The following USP4 variants were observed in gnomAD, a reference collection of about 807,000 sequenced individuals.
The protein encoded by USP4 is ubiquitin specific peptidase 4, also known as ubiquitin carboxyl-terminal hydrolase 4.
Under a neutral mutation model 118.2 loss-of-function variants are expected in USP4, and 72 were observed. The observed-to-expected ratio is 0.61, with a 90% confidence interval of 0.50 to 0.74. The LOEUF (loss-of-function observed/expected upper bound fraction) is 0.74, where lower values mean the gene tolerates loss of function less well. Among genes scored for constraint, USP4 ranks in the 30% least tolerant of loss-of-function variants. USP4 has a pLI of 0.00. For synonymous variants in USP4, 415 were observed against 440.4 expected (o/e 0.94, Z 0.72); for missense variants, 1,037 against 1,185.7 (o/e 0.87, Z 1.84).
rs754845529 is a variant in USP4 at position 49,335,465 on chromosome 3, A to T, written c.229+4T>A. 1 of 1,614,216 alleles carries T rather than the reference A, an allele frequency of 6.2e-7. No homozygotes were observed. Among genetic ancestry groups the T allele is most frequent in the East Asian group, 2.2e-5 (1 of 44,886 alleles). On this transcript the variant is annotated splice_donor_region_variant and intron_variant, in intron 2 of 21. Transcript: ENST00000265560. The stretch of plus-strand genomic sequence containing the variant: ...TTTAGCTAGAAAAGCAACATTTACT[A>T]TACCTGAAAATAGCCCAGAGTTGTC...
At chr3:49,310,758 C>T (rs749713875) in intron 7 of USP4, 21 bp from the exon 8 acceptor site, 1 of 1,590,136 alleles carries the variant, frequency 6.3e-7, no homozygotes, top group African/African-American at 1.3e-5. Flanking sequence ...CAACACACAT[C>T]AGCAATAAAA....
chr3:49,300,256 A>G (rs948233385), intron 11 of USP4, among the ~76,000 whole-genome samples: 3 of 152,078 alleles, frequency 2.0e-5, no homozygotes, highest in African/African-American at 7.2e-5. Context: ...AAAAAAAAAA[A>G]GTGACAGAGA....
At position 49,277,279 on chromosome 3, in the gene USP4, C is replaced by CA. The variant is rs1472353799; in HGVS notation, c.*1013dup. The CA allele has an allele frequency of 9.4e-6, 12 of 1,271,042 alleles. No individual in the cohort carries two copies. The East Asian group carries it at 5.6e-4, about 60-fold the overall frequency. The allele number at this position is 1,271,042 out of a possible 1,614,324, so 78.7% of individuals were successfully genotyped here. A position where few individuals can be genotyped will look rare whatever the true frequency, so the allele number is the denominator to read the frequency against. ...CCCACGGATTAGGTTGAAGGTCAGA[C>CA]AAAAAATCCCGGACCCATACGTCCG... On this transcript the variant is annotated 3_prime_UTR_variant, in exon 22 of 22. Coordinates refer to ENST00000265560, the MANE Select transcript of USP4 (RefSeq NM_003363.4).
rs763555238 is a variant in USP4 at position 49,324,686 on chromosome 3, GA to G, written c.695+15del. The G allele has an allele frequency of 1.9e-6, 3 of 1,613,096 alleles. No individual in the cohort carries two copies. Among genetic ancestry groups the G allele is most frequent in the South Asian group, 1.1e-5 (1 of 91,056 alleles). ...GCACATGTGAGCCTACAACAAGGGA[GA>G]AAAAATTCACTTACTTTGACTGCAA... On this transcript the variant is annotated intron_variant, in intron 6 of 21. Coordinates refer to ENST00000265560, the MANE Select transcript of USP4 (RefSeq NM_003363.4).
At chr3:49,289,459 G>A (rs1428542014) in intron 15 of USP4, among the ~76,000 whole-genome samples, 2 of 152,200 alleles carry the variant, frequency 1.3e-5, no homozygotes, top group Non-Finnish European at 2.9e-5. Flanking sequence ...AGATCACCCA[G>A]GGGCTGTTCA....
In USP4 at chr3:49,277,221, T is replaced by A; in HGVS notation, c.*1072A>T. On this transcript the variant is annotated 3_prime_UTR_variant, in exon 22 of 22. Coordinates refer to ENST00000265560, the MANE Select transcript of USP4 (RefSeq NM_003363.4). ...GTGACGCCGACCCATCCAACGGTCA[T>A]CGCATGCGCGTGCCCCGCGCAGGCC... 1 of 1,324,152 alleles carries A rather than the reference T, an allele frequency of 7.6e-7. No individual in the cohort carries two copies. Among genetic ancestry groups the A allele is most frequent in the Non-Finnish European group, 9.9e-7 (1 of 1,011,764 alleles). 82.0% of individuals were successfully genotyped at this position (1,324,152 alleles called of 1,614,324 possible). A position where few individuals can be genotyped will look rare whatever the true frequency, so the allele number is the denominator to read the frequency against.
At position 49,278,138 on chromosome 3, in the gene USP4, T is replaced by C; in HGVS notation, c.*155A>G. The C allele has an allele frequency of 2.6e-6, 2 of 774,424 alleles. No individual in the cohort carries two copies. The highest frequency in any genetic ancestry group is 3.5e-6 in the Non-Finnish European group (2 of 565,068). 48.0% of individuals were successfully genotyped at this position (774,424 alleles called of 1,614,324 possible). The stretch of plus-strand genomic sequence containing the variant: ...GACATAGCTTCTTCTAGGTAAACGG[T>C]CTTCTTTTTTTTTTTTTGTTTCCTT... On this transcript the variant is annotated 3_prime_UTR_variant, in exon 22 of 22. Transcript: ENST00000265560.
chr3:49,321,199 CT>C (rs1464126201), intron 6 of USP4, among the ~76,000 whole-genome samples: 7 of 152,212 alleles, frequency 4.6e-5, no homozygotes, highest in Non-Finnish European at 1.0e-4. Context: ...GCCAGCAAGC[CT>C]TTCCTAACTG....
intron 13 of USP4, among the ~76,000 whole-genome samples, chr3:49,295,714 G>GCGCGCACACACACACACACACACACACA (rs149459963): frequency 4.0e-5 from 6 of 148,318 alleles, no homozygotes; most frequent in African/African-American, 1.6e-4. Flanking sequence ...GCGCGCGCGC[G>GCGCGCACACACACACACACACACACACA]CACACACACA....
intron 1 of USP4, 53 bp downstream of exon 1, chr3:49,339,871 C>T: frequency 6.6e-7 from 1 of 1,504,938 alleles, no homozygotes; most frequent in Non-Finnish European, 9.2e-7. Flanking sequence ...AAAGGAGGCC[C>T]CTTTTTCTCG....
chr3:49,319,141 CAAAA>C (rs559088103), intron 6 of USP4, among the ~76,000 whole-genome samples: 1 of 112,646 alleles, frequency 8.9e-6, no homozygotes. Context: ...GACTGCATCT[CAAAA>C]AAAAAAAAAA....
chr3:49,333,572 C>T (rs944371711), intron 2 of USP4, among the ~76,000 whole-genome samples: 30 of 151,988 alleles, frequency 2.0e-4, no homozygotes, highest in Admixed American at 4.6e-4. Context: ...ACTAAGTGGC[C>T]GAATTTCAGT....
At chr3:49,283,224 C>T (rs1368344233) in intron 19 of USP4, among the ~76,000 whole-genome samples, 1 of 150,600 alleles carries the variant, frequency 6.6e-6, no homozygotes, top group Non-Finnish European at 1.5e-5. Context: ...CCATGTTGGC[C>T]AGGATGGTCT....
At chr3:49,339,853 GC>G in intron 1 of USP4, 70 bp downstream of exon 1, 1 of 1,315,508 alleles carries the variant, frequency 7.6e-7, no homozygotes, top group Non-Finnish European at 1.1e-6. Context: ...CCCTACTCTA[GC>G]CGAGAAAAAG....
chr3:49,326,271 C>T (rs2047553017), intron 3 of USP4, among the ~76,000 whole-genome samples: 1 of 151,926 alleles, frequency 6.6e-6, no homozygotes, highest in Non-Finnish European at 1.5e-5. Context: ...GAGCCAAGAT[C>T]GCTCCACTGC....
At chr3:49,282,204 CA>C (rs1193343765) in intron 19 of USP4, among the ~76,000 whole-genome samples, 1 of 152,038 alleles carries the variant, frequency 6.6e-6, no homozygotes, top group East Asian at 1.9e-4. Flanking sequence ...TAAACTCAAC[CA>C]AAACAGGCCC....
rs1373182638 is a variant in USP4 at position 49,340,044 on chromosome 3, C to T, written c.-20G>A. 23 of 1,599,942 alleles carry T rather than the reference C, an allele frequency of 1.4e-5. No homozygotes were observed. Among genetic ancestry groups the T allele is most frequent in the Non-Finnish European group, 1.9e-5 (22 of 1,177,894 alleles). On this transcript the variant is annotated 5_prime_UTR_variant, in exon 1 of 22. Transcript: ENST00000265560. ...CGCCATCTCCTCCGCGGCCCCGGCCCAGCCGGCCCGGACATCCGCCCCGCG... is the reference window on the plus strand; with the variant it reads ...CGCCATCTCCTCCGCGGCCCCGGCCTAGCCGGCCCGGACATCCGCCCCGCG...
intron 8 of USP4, among the ~76,000 whole-genome samples, chr3:49,307,648 T>C (rs1014941692): frequency 6.6e-6 from 1 of 151,898 alleles, no homozygotes; most frequent in South Asian, 2.1e-4. Context: ...TGAGTCCCTA[T>C]GTAAAGAATA....
At chr3:49,302,308 A>G in intron 10 of USP4, 76 bp downstream of exon 10, 2 of 1,523,392 alleles carry the variant, frequency 1.3e-6, no homozygotes, top group South Asian at 2.6e-5. Context: ...CTCAAAGACC[A>G]GAAGAATATC....
Sources: allele counts gnomAD v4.1 joint callset (sites outside exome capture counted in the v4.1 genomes callset), GRCh38; gene constraint gnomAD v4.1.1; transcripts MANE v1.5; gene names NCBI Gene and HGNC (gene_info 2026-07-23, HGNC 2026-07-21).